PDE3B: variants seen among roughly 807,000 people sequenced by gnomAD.
The protein encoded by PDE3B is phosphodiesterase 3B.
In PDE3B, 66 loss-of-function variants were observed where a neutral mutation model predicts 116.8. The observed-to-expected ratio is 0.56, with a 90% CI of 0.46 to 0.69. The LOEUF is 0.69. PDE3B is among the 30% of genes least tolerant of loss of function. The probability of loss-of-function intolerance (pLI) is 0.00; values close to 1 mark genes in which losing one functional copy is unlikely to be tolerated. For missense variants in PDE3B, 1,384 were observed against 1,368.1 expected (o/e 1.01, Z -0.18); for synonymous variants, 595 against 533.6 (o/e 1.12, Z -1.59).
At chr11:14,756,787 T>C (rs1038092308) in intron 1 of PDE3B, among the ~76,000 whole-genome samples, 8 of 131,322 alleles carry the variant, frequency 6.1e-5, no homozygotes, top group African/African-American at 1.8e-4. Context: ...ACACAAGATA[T>C]CATTTTAAGT....
At chr11:14,648,960 T>G (rs1853489826) in intron 1 of PDE3B, among the ~76,000 whole-genome samples, 1 of 152,158 alleles carries the variant, frequency 6.6e-6, no homozygotes, top group Admixed American at 6.5e-5. Context: ...CTCAAATTTA[T>G]GTATAAGCTG....
chr11:14,804,191 G>T, intron 5 of PDE3B, 141 bp downstream of exon 5: 1 of 578,744 alleles, frequency 1.7e-6, no homozygotes, highest in African/African-American at 1.9e-5. Context: ...AGTTTGGGTT[G>T]GCTACTAATT....
Position 14,644,775 on chromosome 11 carries a change from T to A in PDE3B, c.700T>A (p.Phe234Ile). The A allele has an allele frequency of 6.2e-7, 1 of 1,607,148 alleles. No individual in the cohort carries two copies. The highest frequency in any genetic ancestry group is 1.3e-5 in the African/African-American group (1 of 74,946). Reference sequence around the variant, plus strand: ...GGCCAGCTTCGTCTGGTGGGTCTCCTTCACCAGCCTCGGGTCGCTGCCCTC... The same window carrying A: ...GGCCAGCTTCGTCTGGTGGGTCTCCATCACCAGCCTCGGGTCGCTGCCCTC... Reference protein sequence around the residue: ...LLASFVWWVSFTSLGSLPSAL... With the variant: ...LLASFVWWVSITSLGSLPSAL... The change falls in exon 1 of 16, where the codon TTC becomes ATC. Residue 234 changes from phenylalanine (F) to isoleucine (I), a missense_variant. By Grantham distance (21) the Phe-to-Ile change is conservative. Coordinates refer to ENST00000282096, the MANE Select transcript of PDE3B (RefSeq NM_000922.4).
rs1848071682 is a variant in PDE3B, at chr11:14,867,619, T to A, written c.3000T>A (p.Cys1000Ter). Residue 1000 changes from cysteine (C) to a stop codon, truncating the protein, a stop_gained, in exon 15 of 16, where the codon TGT becomes TGA. Transcript: ENST00000282096. LOFTEE classifies it high-confidence loss of function. ...SFITHIVGPL[C>*]NSYDAAGLLP... ...TCACCCACATAGTGGGTCCCCTGTG[T>A]AACTCCTATGATGCTGCTGGTTTGC... is the stretch of plus-strand genomic sequence containing the variant. 18 of 1,614,134 alleles carry A rather than the reference T, an allele frequency of 1.1e-5. No homozygotes were observed. The highest frequency in any genetic ancestry group is 1.5e-5 in the Non-Finnish European group (18 of 1,180,018).
At chr11:14,792,431 G>A (rs965908580) in intron 4 of PDE3B, among the ~76,000 whole-genome samples, 1 of 152,034 alleles carries the variant, frequency 6.6e-6, no homozygotes, top group Non-Finnish European at 1.5e-5. Context: ...TACCCTATTT[G>A]TGTAAAGAAT....
intron 1 of PDE3B, among the ~76,000 whole-genome samples, chr11:14,667,290 G>T (rs1051751309): frequency 8.7e-5 from 13 of 150,134 alleles, no homozygotes; most frequent in South Asian, 2.1e-4. Flanking sequence ...GTTGTGGGGT[G>T]GGGGGAGTGG....
intron 1 of PDE3B, among the ~76,000 whole-genome samples, chr11:14,737,459 A>C (rs1856634300): frequency 2.0e-5 from 3 of 151,570 alleles, no homozygotes; most frequent in Admixed American, 2.0e-4. Flanking sequence ...TGGCCTCCCA[A>C]AGTGCTGGGA....
At chr11:14,773,795 A>G (rs1230184158) in intron 2 of PDE3B, 1 of 152,124 alleles carries the variant, frequency 6.6e-6, no homozygotes, top group Non-Finnish European at 1.5e-5. Context: ...TCAAAATAGA[A>G]ATCTTTTTGA....
chr11:14,681,236 C>T (rs527886534), intron 1 of PDE3B, among the ~76,000 whole-genome samples: 1 of 152,218 alleles, frequency 6.6e-6, no homozygotes, highest in East Asian at 1.9e-4. Flanking sequence ...CATTGTAAGT[C>T]GAGGAGCATA....
intron 7 of PDE3B, among the ~76,000 whole-genome samples, chr11:14,825,415 C>T (rs1311051163): frequency 1.3e-5 from 2 of 152,034 alleles, no homozygotes; most frequent in African/African-American, 4.8e-5. Context: ...GCAGCAACAC[C>T]CATAGGCTCA....
At chr11:14,760,372 G>A (rs1049015286) in intron 1 of PDE3B, among the ~76,000 whole-genome samples, 1 of 152,144 alleles carries the variant, frequency 6.6e-6, no homozygotes, top group Non-Finnish European at 1.5e-5. Context: ...ATTATGTGCT[G>A]CGTACTCACT....
At chr11:14,815,132 A>G (rs1255542581) in intron 5 of PDE3B, among the ~76,000 whole-genome samples, 2 of 152,004 alleles carry the variant, frequency 1.3e-5, no homozygotes, top group Non-Finnish European at 2.9e-5. Flanking sequence ...GTGAGACTCC[A>G]TCAAAAAAAA....
At chr11:14,776,262 A>G (rs369056902) in intron 2 of PDE3B, 3 of 152,254 alleles carry the variant, frequency 2.0e-5, no homozygotes, top group Admixed American at 2.0e-4. Flanking sequence ...AACCACTGGC[A>G]ATCAGTGACC....
intron 14 of PDE3B, among the ~76,000 whole-genome samples, chr11:14,865,523 A>G (rs899972194): frequency 8.5e-5 from 13 of 152,260 alleles, no homozygotes; most frequent in East Asian, 1.9e-4. Context: ...AAAATGTGCA[A>G]TGTTTTACAC....
intron 12 of PDE3B, among the ~76,000 whole-genome samples, chr11:14,854,674 G>T (rs1416918922): frequency 6.6e-6 from 1 of 152,066 alleles, no homozygotes; most frequent in East Asian, 1.9e-4. Flanking sequence ...ATGCCACCAC[G>T]CCCAGCTAAT....
chr11:14,751,922 A>G (rs975924650), intron 1 of PDE3B, among the ~76,000 whole-genome samples: 1 of 152,156 alleles, frequency 6.6e-6, no homozygotes, highest in Non-Finnish European at 1.5e-5. Context: ...TTGTAGTGCC[A>G]GTGAAAATCC....
chr11:14,769,343 G>A (rs12416696), intron 1 of PDE3B, among the ~76,000 whole-genome samples: 53,405 of 150,834 alleles, frequency 0.35, 10,820 homozygotes, highest in South Asian at 0.46. Context: ...TCTAAAGAGA[G>A]CAAGCAGAGA....
At chr11:14,841,764 A>T (rs1246444694) in intron 11 of PDE3B, among the ~76,000 whole-genome samples, 1 of 36,902 alleles carries the variant, frequency 2.7e-5, no homozygotes, top group African/African-American at 1.0e-4. Flanking sequence ...TCCTGAGCTC[A>T]AGTGATCCAC....
intron 1 of PDE3B, among the ~76,000 whole-genome samples, chr11:14,659,512 A>T (rs1359872553): frequency 6.6e-6 from 1 of 152,226 alleles, no homozygotes. Flanking sequence ...GATTTTTTAA[A>T]AAAACTTTTC....
Sources: gnomAD v4.1 joint callset for allele counts (sites outside exome capture counted in the v4.1 genomes callset) on GRCh38, gnomAD v4.1.1 for gene constraint, MANE v1.5 for transcripts, NCBI Gene and HGNC (gene_info 2026-07-23, HGNC 2026-07-21) for gene names.